Variants in DNAH1 observed in about 807,000 individuals in gnomAD.
DNAH1 encodes the protein dynein axonemal heavy chain 1.
In DNAH1, 327 loss-of-function variants were observed where a neutral mutation model predicts 484.3. The ratio of observed to expected loss-of-function variants is 0.68; its 90% CI spans 0.62 to 0.74. DNAH1 has a LOEUF of 0.74. Ranked by LOEUF, DNAH1 falls within the 30% of genes least tolerant of loss-of-function variation. DNAH1 has a pLI of 0.00. For missense variants in DNAH1, 5,052 were observed against 5,546.8 expected (o/e 0.91, Z 2.83); for synonymous variants, 2,192 against 2,191.9 (o/e 1.00, Z 0.00).
chr3:52,398,923 A>T lies in DNAH1; in HGVS notation c.12163A>T (p.Met4055Leu). The T allele has an allele frequency of 6.2e-7, 1 of 1,612,074 alleles. No individual in the cohort carries two copies. The highest frequency in any genetic ancestry group is 1.1e-5 in the South Asian group (1 of 90,888). The change falls in exon 76 of 78, where the codon ATG becomes TTG. Residue 4055 changes from methionine to leucine, a missense_variant. Physicochemically the swap from Met to Leu is conservative, Grantham distance 15. This residue lies in a region of DNAH1 where 853 missense variants were observed against 899.0 expected (regional missense o/e 0.95). Coordinates refer to ENST00000420323, the MANE Select transcript of DNAH1 (RefSeq NM_015512.5). Reference protein sequence around the residue: ...LLKALKGLVVMSSQLELMAAS... With the variant: ...LLKALKGLVVLSSQLELMAAS... Reference sequence around the variant, plus strand: ...CAAGGCACTCAAGGGGCTGGTAGTGATGTCCTCTCAGCTGGAGCTGATGGC... The same window carrying T: ...CAAGGCACTCAAGGGGCTGGTAGTGTTGTCCTCTCAGCTGGAGCTGATGGC...
At position 52,353,317 on chromosome 3, in the gene DNAH1, G is replaced by A. The variant is rs772190554; in HGVS notation, c.3226+16G>A. 28 of 1,609,860 alleles carry A rather than the reference G, an allele frequency of 1.7e-5. No individual in the cohort carries two copies. The highest frequency in any genetic ancestry group is 8.3e-5 in the Admixed American group (5 of 59,910). On this transcript the variant is annotated intron_variant, in intron 19 of 77. Transcript: ENST00000420323. This position sits in a 1 kb window ranked among gnomAD's most constrained non-coding sequence, Gnocchi z 5.0. ...GACATGCCAGGTAGGGAGCCAAGCC[G>A]GCCAATCCCCTCCTCCCTGCCTCTG...
intron 17 of DNAH1, among the ~76,000 whole-genome samples, chr3:52,352,306 C>T (rs546785666): frequency 2.0e-5 from 3 of 152,296 alleles, no homozygotes; most frequent in Admixed American, 1.3e-4. Context: ...CAGAAAGATT[C>T]GGAGTAGTAA....
rs1578141421 is a variant in DNAH1 at position 52,361,141 on chromosome 3, C to A, written c.4686-23C>A. 6.5e-7 allele frequency: 1 copy of A among 1,527,802 alleles called. No individual in the cohort carries two copies. The highest frequency in any genetic ancestry group is 8.8e-7 in the Non-Finnish European group (1 of 1,139,022). 94.6% of individuals were successfully genotyped at this position (1,527,802 alleles called of 1,614,324 possible). A position where few individuals can be genotyped will look rare whatever the true frequency, so the allele number is the denominator to read the frequency against. On this transcript the variant is annotated intron_variant, in intron 28 of 77. Transcript: ENST00000420323. The surrounding 1 kb of genome is among the most constrained non-coding windows in gnomAD (Gnocchi z 5.6). The stretch of plus-strand genomic sequence containing the variant: ...GTGTCCAGGCCATGTGCGGCCCGAG[C>A]CCACCTCCTCTGTCTCCTGCAGGTG...
chr3:52,353,906 G>A lies in DNAH1; in HGVS notation c.3480+273G>A, dbSNP rs540567652. 4 of 444,612 alleles carry A rather than the reference G, an allele frequency of 9.0e-6. No homozygotes were observed. The highest frequency in any genetic ancestry group is 1.6e-5 in the Non-Finnish European group (4 of 242,868). The allele number at this position is 444,612 out of a possible 1,614,324, so 27.5% of individuals were successfully genotyped here. On this transcript the variant is annotated intron_variant, in intron 20 of 77. Transcript: ENST00000420323. The surrounding 1 kb of genome is among the most constrained non-coding windows in gnomAD (Gnocchi z 5.0). ...GCATTAGCCTCAATTTAACAGATGTGTCAGGCCGGGTGCAGTGACACATGC... is the reference window on the plus strand; with the variant it reads ...GCATTAGCCTCAATTTAACAGATGTATCAGGCCGGGTGCAGTGACACATGC...
At chr3:52,348,461 G>A (rs1702233996) in intron 12 of DNAH1, among the ~76,000 whole-genome samples, 1 of 152,108 alleles carries the variant, frequency 6.6e-6, no homozygotes, top group South Asian at 2.1e-4. Context: ...GTCCCCACCA[G>A]TCACTGCCAC....
chr3:52,342,806 G>T (rs1210497187), intron 8 of DNAH1, among the ~76,000 whole-genome samples: 1 of 152,230 alleles, frequency 6.6e-6, no homozygotes, highest in African/African-American at 2.4e-5. Context: ...CTGACATGCT[G>T]GTTCTGACAC....
chr3:52,386,276 C>T lies in DNAH1; in HGVS notation c.8742C>T (p.Asp2914=), dbSNP rs200436452. Reference sequence around the variant, plus strand: ...CTGACGATGCCCAGAAGGACCTGGACGAGGCGTTGCCAGCCCTGGATGCGG... The same window carrying T: ...CTGACGATGCCCAGAAGGACCTGGATGAGGCGTTGCCAGCCCTGGATGCGG... ...AIADDAQKDL[D]EALPALDAAL... The change falls in exon 55 of 78, where the codon GAC becomes GAT. Residue 2914 remains aspartate, a synonymous_variant. Transcript: ENST00000420323. 19 of 1,609,710 alleles carry T rather than the reference C, an allele frequency of 1.2e-5. No individual in the cohort carries two copies. Among genetic ancestry groups the T allele is most frequent in the East Asian group, 6.7e-5 (3 of 44,682 alleles).
intron 22 of DNAH1, among the ~76,000 whole-genome samples, chr3:52,357,006 C>T (rs541090591): frequency 6.7e-5 from 10 of 149,198 alleles, no homozygotes; most frequent in African/African-American, 1.5e-4. Context: ...CCCATATTAA[C>T]GTTTTTTTTT....
intron 6 of DNAH1, among the ~76,000 whole-genome samples, chr3:52,329,461 CAGGTGGGGAGCATTTCCTG>C (rs767320401): frequency 5.3e-5 from 8 of 152,304 alleles, no homozygotes; most frequent in Non-Finnish European, 1.0e-4. Context: ...CTGGTGTCAA[CAGGTGGGGAGCATTTCCTG>C]AGAATTCCAG....
Position 52,357,679 on chromosome 3 carries a change from C to T in DNAH1, c.3924C>T (p.Asp1308=). 6.3e-7 allele frequency: 1 copy of T among 1,594,198 alleles called. No homozygotes were observed. The highest frequency in any genetic ancestry group is 8.5e-7 in the Non-Finnish European group (1 of 1,169,936). Residue 1308 remains aspartate (D), a synonymous_variant, in exon 23 of 78, where the codon GAC becomes GAT. Transcript: ENST00000420323. ...TGCGGGACTGCAACAAGATTCTGGA[C>T]CTGGTGCAGAAGGGCCTCAGCGAGT... ...DSLRDCNKIL[D]LVQKGLSEYL...
Position 52,370,713 on chromosome 3 carries a change from G to A in DNAH1, c.6418-5G>A, listed in dbSNP as rs1259218486. On this transcript the variant is annotated splice_polypyrimidine_tract_variant and splice_region_variant and intron_variant, in intron 40 of 77. Transcript: ENST00000420323. ...CAGCCTGCTTCTCCTCCTGGTTCCC[G>A]GCAGCTGACTCTGCTTTTCCCAGAA... 5 of 1,598,524 alleles carry A rather than the reference G, an allele frequency of 3.1e-6. No homozygotes were observed. Among genetic ancestry groups the A allele is most frequent in the East Asian group, 2.3e-5 (1 of 44,194 alleles).
At chr3:52,356,818 A>C in intron 22 of DNAH1, 40 bp downstream of exon 22, 1 of 1,561,568 alleles carries the variant, frequency 6.4e-7, no homozygotes, top group Non-Finnish European at 8.7e-7. Context: ...TGGGATCCCC[A>C]AGGGCCCTGG....
chr3:52,363,503 A>G (rs1221159725), intron 32 of DNAH1, among the ~76,000 whole-genome samples: 1 of 152,168 alleles, frequency 6.6e-6, no homozygotes, highest in African/African-American at 2.4e-5. Flanking sequence ...TGGGGACCAG[A>G]GTAGGACAGC....
In DNAH1 at chr3:52,331,184, G is replaced by A. The variant is rs928941028; in HGVS notation, c.908G>A (p.Cys303Tyr). 57 of 1,603,812 alleles carry A rather than the reference G, an allele frequency of 3.6e-5. No homozygotes were observed. The highest frequency in any genetic ancestry group is 4.9e-5 in the Non-Finnish European group (57 of 1,175,100). ...AGTCAGAAGCTGAAGTACAAATGGT[G>A]CGAGGTCGGCGTCCTGGACTACGAC... ...PKSQKLKYKWCEVGVLDYDEE... is the reference protein window; with the variant it reads ...PKSQKLKYKWYEVGVLDYDEE... The change falls in exon 7 of 78, where the codon TGC becomes TAC. Residue 303 changes from cysteine (C) to tyrosine (Y), a missense_variant. Cys to Tyr is a radical substitution (Grantham distance 194). Transcript: ENST00000420323.
rs1702705586 is a variant in DNAH1, at chr3:52,358,370, A to ACTGCTG, written c.4087-187_4087-182dup. On this transcript the variant is annotated intron_variant, in intron 24 of 77. Transcript: ENST00000420323. The surrounding 1 kb of genome is among the most constrained non-coding windows in gnomAD (Gnocchi z 4.2). ...GCCGGGCCTGGGCTGGGGCCTGACC[A>ACTGCTG]CTGCTGGGGAGAAGGCAGGCCATCC... Among the ~76,000 whole-genome samples, 2 of 151,872 alleles carry ACTGCTG rather than the reference A, an allele frequency of 1.3e-5. No individual in the cohort carries two copies. Among genetic ancestry groups the ACTGCTG allele is most frequent in the South Asian group, 4.2e-4 (2 of 4,804 alleles).
chr3:52,365,445 T>C (rs1703033999), intron 34 of DNAH1, among the ~76,000 whole-genome samples: 1 of 152,202 alleles, frequency 6.6e-6, no homozygotes, highest in African/African-American at 2.4e-5. Flanking sequence ...CCCACGTTCC[T>C]TGTTGAGTGA....
chr3:52,364,937 CAAG>C lies in DNAH1; in HGVS notation c.5437_5439del (p.Lys1813del), dbSNP rs1050318347. The C allele has an allele frequency of 2.5e-6, 4 of 1,613,864 alleles. No homozygotes were observed. The African/African-American group carries it at 4.0e-5, about 16-fold the overall frequency. On this transcript the variant is annotated inframe_deletion, in exon 34 of 78. Transcript: ENST00000420323. This position sits in a 1 kb window ranked among gnomAD's most constrained non-coding sequence, Gnocchi z 4.2. ...TCGTGTCCGACCTGTTTCCCACCAT[CAAG>C]GAGGAGGACACGGACTACGGCATCC...
chr3:52,355,630 G>A lies in DNAH1; in HGVS notation c.3693+575G>A, dbSNP rs1429958043. 1.3e-5 allele frequency among the ~76,000 whole-genome samples: 2 copies of A among 152,260 alleles called. No homozygotes were observed. The highest frequency in any genetic ancestry group is 4.8e-5 in the African/African-American group (2 of 41,474). ...GATATCCCCTTCCCCGGGCCTCCCT[G>A]ATAGCTGCTCAGAGACCTCCGGCGA... On this transcript the variant is annotated intron_variant, in intron 21 of 77. Transcript: ENST00000420323. This position sits in a 1 kb window ranked among gnomAD's most constrained non-coding sequence, Gnocchi z 4.5.
At position 52,380,259 on chromosome 3, in the gene DNAH1, G is replaced by A. The variant is rs983681139; in HGVS notation, c.7608+124G>A. The A allele has an allele frequency of 8.5e-6, 7 of 825,300 alleles. No individual in the cohort carries two copies. In the African/African-American group the frequency reaches 1.0e-4, roughly 12 times the overall value. 51.1% of individuals were successfully genotyped at this position (825,300 alleles called of 1,614,324 possible). ...CACTATAACCAGGGGGCCAGGACGC[G>A]GGGTAAGACAGCCAGCTCCAGGAGA... On this transcript the variant is annotated intron_variant, in intron 48 of 77. Transcript: ENST00000420323.
Sources: allele counts gnomAD v4.1 joint callset (sites outside exome capture counted in the v4.1 genomes callset), GRCh38; gene constraint gnomAD v4.1.1; regional missense constraint gnomAD v4.1.1; non-coding constraint Gnocchi (gnomAD v3.1); transcripts MANE v1.5; gene names NCBI Gene and HGNC (gene_info 2026-07-23, HGNC 2026-07-21).